The following TMSB4X variants were observed in gnomAD, a reference collection of about 807,000 sequenced individuals.
TMSB4X encodes thymosin beta-4.
In TMSB4X, 1 loss-of-function variant was observed where a neutral mutation model predicts 3.6. That is an observed-to-expected ratio of 0.28 (90% confidence interval 0.10 to 1.32). The LOEUF (loss-of-function observed/expected upper bound fraction) is 1.32. Among genes scored for constraint, TMSB4X ranks in the 40% most tolerant of loss-of-function variants. The probability of loss-of-function intolerance (pLI) is 0.45; values close to 1 mark genes in which losing one functional copy is unlikely to be tolerated. For missense variants in TMSB4X, 6 were observed against 32.7 expected, an observed-to-expected ratio of 0.18 and a Z score of 1.99; for synonymous variants, 12 against 14.3, an observed-to-expected ratio of 0.84 and a Z score of 0.36.
Position 12,976,972 on chromosome X carries a change from G to A in TMSB4X, c.*161G>A. 3 of 615,960 alleles carry A rather than the reference G, an allele frequency of 4.9e-6. No individual in the cohort carries two copies. The highest frequency in any genetic ancestry group is 7.7e-6 in the Non-Finnish European group (3 of 390,950). 50.8% of individuals were successfully genotyped at this position (615,960 alleles called of 1,213,427 possible). On this transcript the variant is annotated 3_prime_UTR_variant, in exon 3 of 3. Transcript: ENST00000451311. ...CAAAGAACTACTGACAACGAAGGCC[G>A]CGCCTGCCTTTCCCATCTGTCTATC...
At chrX:12,976,713 A>G in intron 2 of TMSB4X, 64 bp from the exon 3 acceptor site, 1 of 1,134,836 alleles carries the variant, frequency 8.8e-7, no homozygotes, top group Admixed American at 2.6e-5. Flanking sequence ...AAAGCCCTTT[A>G]GTCTGTACTG....
rs1361015841 is a variant in TMSB4X, at chrX:12,975,183, C to CCCTGCCTCCTTCCTCCTGCCGT, written c.-17+25_-17+46dup. Reference sequence around the variant, plus strand: ...GCCTCGCTTCGGTGAGCCCCAGGGCCCCTGCCTCCTTCCTCCTGCCGTCCT... The same window carrying CCCTGCCTCCTTCCTCCTGCCGT: ...GCCTCGCTTCGGTGAGCCCCAGGGCCCCTGCCTCCTTCCTCCTGCCGTCCTGCCTCCTTCCTCCTGCCGTCCT... On this transcript the variant is annotated intron_variant, in intron 1 of 2. Coordinates refer to ENST00000451311, the MANE Select transcript of TMSB4X (RefSeq NM_021109.4). 8.5e-6 allele frequency: 1 copy of CCCTGCCTCCTTCCTCCTGCCGT among 117,331 alleles called. No individual in the cohort carries two copies. Among genetic ancestry groups the CCCTGCCTCCTTCCTCCTGCCGT allele is most frequent in the Non-Finnish European group, 1.8e-5 (1 of 54,799 alleles). The allele number at this position is 117,331 out of a possible 1,213,427, so 9.7% of individuals were successfully genotyped here. A position where few individuals can be genotyped will look rare whatever the true frequency, so the allele number is the denominator to read the frequency against.
At chrX:12,976,436 G>C (rs1310130418) in intron 2 of TMSB4X, 75 bp downstream of exon 2, 4 of 933,151 alleles carry the variant, frequency 4.3e-6, no homozygotes, top group Middle Eastern at 2.7e-4. Context: ...GGCTGGGAGC[G>C]GCCGCGGGAA....
chrX:12,976,746 A>ATT, intron 2 of TMSB4X, 31 bp from the exon 3 acceptor site: 1 of 953,373 alleles, frequency 1.0e-6, no homozygotes, highest in Non-Finnish European at 1.4e-6. Context: ...ATCTCCCTCC[A>ATT]TCTTTTTTTT....
chrX:12,976,903 A>G lies in TMSB4X; in HGVS notation c.*92A>G. ...AGCTGTTTAACTTTGTAAGATGCAA[A>G]GAGGTTGGATCAAGTTTAAATGACT... On this transcript the variant is annotated 3_prime_UTR_variant, in exon 3 of 3. Coordinates refer to ENST00000451311, the MANE Select transcript of TMSB4X (RefSeq NM_021109.4). The G allele has an allele frequency of 9.8e-7, 1 of 1,021,296 alleles. No homozygotes were observed. The highest frequency in any genetic ancestry group is 1.4e-6 in the Non-Finnish European group (1 of 735,723). The allele number at this position is 1,021,296 out of a possible 1,213,427, so 84.2% of individuals were successfully genotyped here.
At chrX:12,976,500 T>A (rs2043297195) in intron 2 of TMSB4X, 139 bp downstream of exon 2, 1 of 583,310 alleles carries the variant, frequency 1.7e-6, no homozygotes, top group Non-Finnish European at 2.7e-6. Context: ...GAATGTGGCT[T>A]GCAAAGGTTA....
At chrX:12,976,429 T>A in intron 2 of TMSB4X, 68 bp downstream of exon 2, 1 of 825,690 alleles carries the variant, frequency 1.2e-6, no homozygotes. Flanking sequence ...GGCGGGAGGC[T>A]GGGAGCGGCC....
chrX:12,976,691 A>G, intron 2 of TMSB4X, 86 bp from the exon 3 acceptor site: 1 of 1,040,019 alleles, frequency 9.6e-7, no homozygotes, highest in Non-Finnish European at 1.3e-6. Flanking sequence ...ATTTGAAAAG[A>G]TGCTTTAAAT....
chrX:12,976,170 G>T lies in TMSB4X; in HGVS notation c.-16-76G>T, dbSNP rs1036011455. On this transcript the variant is annotated intron_variant, in intron 1 of 2. Coordinates refer to ENST00000451311, the MANE Select transcript of TMSB4X (RefSeq NM_021109.4). The stretch of plus-strand genomic sequence containing the variant: ...TTTTCAGGCTGCGGGTCGGAGGGCA[G>T]AAGTGCAGTTCCCAGCCCAGAGACA... The T allele has an allele frequency of 2.7e-5, 20 of 745,530 alleles. No homozygotes were observed. The African/African-American group carries it at 3.8e-4, about 14-fold the overall frequency. 61.4% of individuals were successfully genotyped at this position (745,530 alleles called of 1,213,427 possible). A position where few individuals can be genotyped will look rare whatever the true frequency, so the allele number is the denominator to read the frequency against.
intron 2 of TMSB4X, 104 bp downstream of exon 2, chrX:12,976,465 T>C (rs1602476720): frequency 1.4e-6 from 1 of 691,915 alleles, no homozygotes; most frequent in Non-Finnish European, 2.2e-6. Flanking sequence ...GAGGGGGGAG[T>C]GCGGGGGAAG....
intron 2 of TMSB4X, 58 bp from the exon 3 acceptor site, chrX:12,976,719 T>C (rs2043298212): frequency 1.7e-6 from 2 of 1,168,298 alleles, no homozygotes; most frequent in South Asian, 3.7e-5. Context: ...CTTTAGTCTG[T>C]ACTGAATCCT....
intron 1 of TMSB4X, 107 bp from the exon 2 acceptor site, chrX:12,976,139 G>C (rs1211246461): frequency 2.2e-5 from 12 of 556,389 alleles, no homozygotes; most frequent in East Asian, 2.1e-4. Context: ...AGAGCGAGAA[G>C]GGTTTTTTTC....
chrX:12,975,443 G>C (rs754259306), intron 1 of TMSB4X: 7 of 113,241 alleles, frequency 6.2e-5, no homozygotes, highest in African/African-American at 1.9e-4. Flanking sequence ...TGCCCGCAAA[G>C]GTATTGTGCG....
At position 12,976,595 on chromosome X, in the gene TMSB4X, CATTT is replaced by C. The variant is rs763352016; in HGVS notation, c.101-179_101-176del. 2.2e-4 allele frequency among the ~76,000 whole-genome samples: 25 copies of C among 112,058 alleles called. No individual in the cohort carries two copies. The South Asian group carries it at 4.4e-3, about 20-fold the overall frequency. On this transcript the variant is annotated intron_variant, in intron 2 of 2. Coordinates refer to ENST00000451311, the MANE Select transcript of TMSB4X (RefSeq NM_021109.4). ...TTAATATGCCATATTAATATACAAA[CATTT>C]ATCCATTAAAATGTATTTCTATTTA...
At chrX:12,976,625 G>A in intron 2 of TMSB4X, 152 bp from the exon 3 acceptor site, 1 of 611,943 alleles carries the variant, frequency 1.6e-6, no homozygotes, top group Non-Finnish European at 2.6e-6. Context: ...TTTCTATTTA[G>A]TATATTCAAT....
intron 1 of TMSB4X, 113 bp from the exon 2 acceptor site, chrX:12,976,133 C>A (rs940451591): frequency 3.7e-6 from 2 of 535,547 alleles, no homozygotes; most frequent in Admixed American, 2.8e-5. Context: ...AGTAGGAGAG[C>A]GAGAAGGGTT....
chrX:12,975,324 C>G (rs1415357251), intron 1 of TMSB4X, 156 bp downstream of exon 1: 5 of 113,237 alleles, frequency 4.4e-5, no homozygotes, highest in Non-Finnish European at 9.4e-5. Context: ...TGCGAAACAC[C>G]CTAGATACTG....
At chrX:12,976,219 C>T in intron 1 of TMSB4X, 27 bp from the exon 2 acceptor site, 1 of 1,142,725 alleles carries the variant, frequency 8.8e-7, no homozygotes, top group East Asian at 3.0e-5. Flanking sequence ...CTCTTCCTCA[C>T]GCTCGCTCTT....
In TMSB4X at chrX:12,976,872, T is replaced by A; in HGVS notation, c.*61T>A. The A allele has an allele frequency of 1.3e-5, 15 of 1,129,313 alleles. No individual in the cohort carries two copies. The highest frequency in any genetic ancestry group is 1.8e-5 in the Non-Finnish European group (15 of 827,060). 93.1% of individuals were successfully genotyped at this position (1,129,313 alleles called of 1,213,427 possible). On this transcript the variant is annotated 3_prime_UTR_variant, in exon 3 of 3. Coordinates refer to ENST00000451311, the MANE Select transcript of TMSB4X (RefSeq NM_021109.4). Reference sequence around the variant, plus strand: ...ACAAGCATTGCCTTCTTATTTTACTTCTTTTAGCTGTTTAACTTTGTAAGA... The same window carrying A: ...ACAAGCATTGCCTTCTTATTTTACTACTTTTAGCTGTTTAACTTTGTAAGA...
Sources: allele counts gnomAD v4.1 joint callset (sites outside exome capture counted in the v4.1 genomes callset), GRCh38; gene constraint gnomAD v4.1.1; transcripts MANE v1.5; gene names NCBI Gene and HGNC (gene_info 2026-07-23, HGNC 2026-07-21).